Variants in SYTL2 observed in about 807,000 individuals in gnomAD.
The protein encoded by SYTL2 is synaptotagmin like 2.
In SYTL2, 165 loss-of-function variants were observed where a neutral mutation model predicts 198.7. That is an observed-to-expected ratio of 0.83 (90% CI 0.73 to 0.94). SYTL2 has a LOEUF of 0.94. Ranked by LOEUF, SYTL2 falls within the 40% of genes least tolerant of loss-of-function variation. The probability of loss-of-function intolerance (pLI) is 0.00; values close to 1 mark genes in which losing one functional copy is unlikely to be tolerated. For synonymous variants in SYTL2, 966 were observed against 917.7 expected, an observed-to-expected ratio of 1.05 and a Z score of -0.95; for missense variants, 2,835 against 2,582.8, an observed-to-expected ratio of 1.10 and a Z score of -2.12.
chr11:85,832,803 G>A, the SYTL2 span, among the ~76,000 whole-genome samples: 3 of 150,996 alleles, frequency 2.0e-5, no homozygotes, highest in Admixed American at 6.6e-5. Flanking sequence ...ACCAGCCTGG[G>A]CAACATAGTG....
intron 17 of SYTL2, among the ~76,000 whole-genome samples, chr11:85,700,189 G>A (rs1215026479): frequency 1.3e-5 from 2 of 152,078 alleles, no homozygotes; most frequent in Non-Finnish European, 2.9e-5. Context: ...GGAAATTGTT[G>A]GTTAATAGAT....
intron 1 of SYTL2, among the ~76,000 whole-genome samples, chr11:85,802,888 T>G (rs1740273597): frequency 6.6e-6 from 1 of 152,222 alleles, no homozygotes; most frequent in Non-Finnish European, 1.5e-5. Flanking sequence ...AACTAGTAAG[T>G]GCATTCATGT....
Position 85,726,118 on chromosome 11 carries a change from C to G in SYTL2, c.3240G>C (p.Gln1080His). 1 of 1,614,066 alleles carries G rather than the reference C, an allele frequency of 6.2e-7. No individual in the cohort carries two copies. Among genetic ancestry groups the G allele is most frequent in the Admixed American group, 1.7e-5 (1 of 60,016 alleles). Residue 1080 changes from glutamine (Q) to histidine (H), a missense_variant, in exon 8 of 20, where the codon CAG (glutamine) becomes CAC (histidine). Gln to His is a conservative substitution (Grantham distance 24). Transcript: ENST00000359152. ...CCTTTGATGACTCATTTCCTGGCAA[C>G]TGATAAGTATACTTTCTAAGTGGAC... ...PLSPLRKYTY[Q>H]LPGNESSKEN...
chr11:85,843,669 CAG>C, the SYTL2 span, among the ~76,000 whole-genome samples: 3 of 152,294 alleles, frequency 2.0e-5, no homozygotes, highest in Admixed American at 1.3e-4. Context: ...AAATGTGACA[CAG>C]AAAAGTTTCA....
chr11:85,833,337 TATC>T, the SYTL2 span, among the ~76,000 whole-genome samples: 1 of 148,166 alleles, frequency 6.7e-6, no homozygotes, highest in Admixed American at 6.8e-5. Context: ...ATATCATATA[TATC>T]ATATATATAC....
chr11:85,840,348 C>G, the SYTL2 span, among the ~76,000 whole-genome samples: 1 of 152,102 alleles, frequency 6.6e-6, no homozygotes, highest in Non-Finnish European at 1.5e-5. Context: ...GGGTATTACT[C>G]AAGAAAGCAT....
At chr11:85,801,156 C>G (rs890529447) in intron 1 of SYTL2, among the ~76,000 whole-genome samples, 4 of 152,214 alleles carry the variant, frequency 2.6e-5, no homozygotes, top group African/African-American at 9.7e-5. Context: ...AACTCAACAG[C>G]TGCTAACCAC....
At position 85,704,949 on chromosome 11, in the gene SYTL2, C is replaced by T. The variant is rs1209939917; in HGVS notation, c.6098G>A (p.Ser2033Asn). Residue 2033 changes from serine (S) to asparagine (N), a missense_variant, in exon 16 of 20, where the codon AGT becomes AAT. Ser to Asn is a conservative substitution (Grantham distance 46). This residue lies in a region of SYTL2 where 2,645 missense variants were observed against 2,381.7 expected (regional missense o/e 1.11). Coordinates refer to ENST00000359152, the MANE Select transcript of SYTL2 (RefSeq NM_206927.4). ...IWHRDTFKRN[S>N]FLGEVELDLE... Reference sequence around the variant, plus strand: ...ATCAAGTTCCACCTCCCCTAGGAAACTATTGCGCTTAAATGTATCCCGATG... The same window carrying T: ...ATCAAGTTCCACCTCCCCTAGGAAATTATTGCGCTTAAATGTATCCCGATG... 1.2e-6 allele frequency: 2 copies of T among 1,613,782 alleles called. No individual in the cohort carries two copies. The highest frequency in any genetic ancestry group is 3.3e-4 in the Middle Eastern group (2 of 6,058).
At position 85,752,671 on chromosome 11, in the gene SYTL2, G is replaced by T. The variant is rs202088085; in HGVS notation, c.102-4248C>A. ...TGCTGAGAGGCAGCACAGTGTAAGGGAAGTGCACAGGCCTTGATGTTGGAT... is the reference window on the plus strand; with the variant it reads ...TGCTGAGAGGCAGCACAGTGTAAGGTAAGTGCACAGGCCTTGATGTTGGAT... On this transcript the variant is annotated intron_variant, in intron 2 of 19. Coordinates refer to ENST00000359152, the MANE Select transcript of SYTL2 (RefSeq NM_206927.4). 7.9e-5 allele frequency among the ~76,000 whole-genome samples: 12 copies of T among 152,096 alleles called. No individual in the cohort carries two copies. The East Asian group carries it at 2.3e-3, about 29-fold the overall frequency.
Position 85,757,690 on chromosome 11 carries a change from T to C in SYTL2, c.36A>G (p.Gln12=), listed in dbSNP as rs1166364762. The C allele has an allele frequency of 6.2e-7, 1 of 1,613,774 alleles. No individual in the cohort carries two copies. Among genetic ancestry groups the C allele is most frequent in the Non-Finnish European group, 8.5e-7 (1 of 1,179,942 alleles). Residue 12 remains glutamine, a synonymous_variant, in exon 2 of 20, where the codon CAA becomes CAG. Coordinates refer to ENST00000359152, the MANE Select transcript of SYTL2 (RefSeq NM_206927.4). ...GCTGCAAAACCTTCATGATGGCCTC[T>C]TGTTCCTCTTCAGTCAGGAAGCTTA... ...IDLSFLTEEE[Q]EAIMKVLQRD...
Position 85,696,200 on chromosome 11 carries a change from C to A in SYTL2, c.6557G>T (p.Arg2186Leu), listed in dbSNP as rs570191836. ...AACAGTACCTGTTCCAAAGCCAATACGAAGACCTCCCAAAAATTGGTTGGT... is the reference window on the plus strand; with the variant it reads ...AACAGTACCTGTTCCAAAGCCAATAAGAAGACCTCCCAAAAATTGGTTGGT... ...KLTNQFLGGL[R>L]IGFGTGKSYG... The change falls in exon 19 of 20, where the codon CGT becomes CTT. Residue 2186 changes from arginine (R) to leucine (L), a missense_variant. Around this residue, in one of 3 missense-constraint regions of SYTL2, gnomAD observed 185 missense variants for 182.1 expected, o/e 1.02. Transcript: ENST00000359152. The A allele has an allele frequency of 8.1e-6, 13 of 1,613,958 alleles. No homozygotes were observed. Among genetic ancestry groups the A allele is most frequent in the Non-Finnish European group, 1.0e-5 (12 of 1,179,968 alleles).
At chr11:85,733,594 G>GT (rs11383912) in intron 7 of SYTL2, 9,196 of 105,998 alleles carry the variant, frequency 0.087, 752 homozygotes, top group East Asian at 0.29. Flanking sequence ...TTTTTTTTTT[G>GT]TTTTTTTTTT....
rs747455824 is a variant in SYTL2 at position 85,725,473 on chromosome 11, T to G, written c.3885A>C (p.Thr1295=). 6.2e-7 allele frequency: 1 copy of G among 1,614,114 alleles called. No homozygotes were observed. Among genetic ancestry groups the G allele is most frequent in the South Asian group, 1.1e-5 (1 of 91,076 alleles). ...KAESGECQLS[T]QNLIQMAAED... is the part of the protein sequence containing the mutation. Reference sequence around the variant, plus strand: ...CTGCAGCCATCTGAATCAAATTCTGTGTGCTTAGCTGGCACTCACCACTTT... The same window carrying G: ...CTGCAGCCATCTGAATCAAATTCTGGGTGCTTAGCTGGCACTCACCACTTT... The change falls in exon 8 of 20, where the codon ACA becomes ACC. Residue 1295 remains threonine, a synonymous_variant. Coordinates refer to ENST00000359152, the MANE Select transcript of SYTL2 (RefSeq NM_206927.4).
chr11:85,815,832 C>G (rs1159092932), upstream of SYTL2, among the ~76,000 whole-genome samples: 2 of 151,982 alleles, frequency 1.3e-5, no homozygotes, highest in African/African-American at 4.8e-5. Context: ...AATTTATAAC[C>G]CTGTGTATGT....
chr11:85,789,354 A>ATATATATATATATG (rs1555260932), intron 1 of SYTL2, among the ~76,000 whole-genome samples: 144 of 57,190 alleles, frequency 2.5e-3, no homozygotes, highest in Non-Finnish European at 3.9e-3. Context: ...ATATATATAT[A>ATATATATATATATG]TATATATATA....
At chr11:85,833,450 T>A in the SYTL2 span, among the ~76,000 whole-genome samples, 1 of 149,280 alleles carries the variant, frequency 6.7e-6, no homozygotes, top group Non-Finnish European at 1.5e-5. Context: ...ATATATATGA[T>A]ATGTATATAT....
chr11:85,802,618 G>A (rs1353632191), intron 1 of SYTL2, among the ~76,000 whole-genome samples: 1 of 151,958 alleles, frequency 6.6e-6, no homozygotes, highest in Admixed American at 6.6e-5. Context: ...ATAGCCAAGA[G>A]GAAGGGAAGG....
At position 85,726,567 on chromosome 11, in the gene SYTL2, G is replaced by A; in HGVS notation, c.2791C>T (p.Leu931=). Residue 931 remains leucine (L), a synonymous_variant, in exon 8 of 20, where the codon CTG becomes TTG. Transcript: ENST00000359152. ...PSRRNITLPA[L]QPPSNVGSER... ...CTCCCGACATTTGAGGGAGGTTGCA[G>A]TGCTGGTAAAGTAATGTTTCTTCTA... 2 of 1,589,718 alleles carry A rather than the reference G, an allele frequency of 1.3e-6. No individual in the cohort carries two copies. Among genetic ancestry groups the A allele is most frequent in the Non-Finnish European group, 1.7e-6 (2 of 1,173,596 alleles).
intron 1 of SYTL2, among the ~76,000 whole-genome samples, chr11:85,759,762 C>T (rs2092039129): frequency 1.2e-5 from 1 of 82,886 alleles, no homozygotes; most frequent in Non-Finnish European, 2.8e-5. Flanking sequence ...AATATTAAGA[C>T]ATTACTTCAT....
Sources: gnomAD v4.1 joint callset for allele counts (sites outside exome capture counted in the v4.1 genomes callset) on GRCh38, gnomAD v4.1.1 for gene constraint, gnomAD v4.1.1 regional missense constraint, MANE v1.5 for transcripts, NCBI Gene and HGNC (gene_info 2026-07-23, HGNC 2026-07-21) for gene names.